AGBL4: variants seen among roughly 807,000 people sequenced by gnomAD.
AGBL4 encodes the protein AGBL carboxypeptidase 4.
Under a neutral mutation model 66.4 loss-of-function variants are expected in AGBL4, and 58 were observed. The observed-to-expected ratio is 0.87, with a 90% CI of 0.71 to 1.09. AGBL4 has a LOEUF of 1.09. Ranked by LOEUF, AGBL4 falls within the 50% of genes least tolerant of loss-of-function variation. AGBL4 has a pLI of 0.00. For missense variants in AGBL4, 579 were observed against 631.0 expected (o/e 0.92, Z 0.88); for synonymous variants, 234 against 222.9 (o/e 1.05, Z -0.44).
intron 4 of AGBL4, among the ~76,000 whole-genome samples, chr1:49,054,168 A>C (rs990673192): frequency 6.6e-6 from 1 of 152,046 alleles, no homozygotes; most frequent in Admixed American, 6.6e-5. Flanking sequence ...TTGGGTATGA[A>C]GTGGTAGCTG....
chr1:49,207,914 T>A (rs908361886), intron 4 of AGBL4, among the ~76,000 whole-genome samples: 25 of 152,108 alleles, frequency 1.6e-4, no homozygotes, highest in Middle Eastern at 3.4e-3. Flanking sequence ...AACTTTGCCA[T>A]GCATGCTATT....
At chr1:48,786,380 C>T (rs1645408059) in intron 6 of AGBL4, among the ~76,000 whole-genome samples, 2 of 152,252 alleles carry the variant, frequency 1.3e-5, no homozygotes, top group African/African-American at 4.8e-5. Flanking sequence ...AGACTTCAAC[C>T]TGGGTTTCTT....
intron 1 of AGBL4, among the ~76,000 whole-genome samples, chr1:49,965,193 GCTCT>G (rs1270268997): frequency 2.0e-5 from 3 of 152,124 alleles, no homozygotes; most frequent in Admixed American, 6.6e-5. Context: ...ACAATCCCAT[GCTCT>G]CTAAGTGAGC....
chr1:49,473,699 T>C (rs1443046971), intron 3 of AGBL4, among the ~76,000 whole-genome samples: 1 of 152,092 alleles, frequency 6.6e-6, no homozygotes, highest in East Asian at 1.9e-4. Flanking sequence ...AGTCATATTC[T>C]TTGCATAGAT....
At chr1:48,911,399 C>T (rs902606526) in intron 5 of AGBL4, among the ~76,000 whole-genome samples, 12 of 151,998 alleles carry the variant, frequency 7.9e-5, no homozygotes, top group African/African-American at 2.4e-4. Flanking sequence ...GGGTGGATCA[C>T]GAGGTCAGGA....
At chr1:48,609,928 G>A (rs1321747844) in intron 9 of AGBL4, among the ~76,000 whole-genome samples, 1 of 152,154 alleles carries the variant, frequency 6.6e-6, no homozygotes, top group African/African-American at 2.4e-5. Context: ...TATTATAAGA[G>A]CCCATAGGAT....
chr1:48,995,365 G>A (rs768201652), intron 5 of AGBL4, among the ~76,000 whole-genome samples: 17 of 152,164 alleles, frequency 1.1e-4, no homozygotes, highest in Admixed American at 3.3e-4. Context: ...AGCCTTGAGA[G>A]CAGGGATCTA....
chr1:48,637,389 C>A (rs554078089), intron 8 of AGBL4, among the ~76,000 whole-genome samples: 1 of 152,182 alleles, frequency 6.6e-6, no homozygotes, highest in Non-Finnish European at 1.5e-5. Flanking sequence ...TTGGGGAATG[C>A]CCAGCATCTA....
chr1:48,756,088 T>C (rs887283648), intron 6 of AGBL4, among the ~76,000 whole-genome samples: 4 of 152,174 alleles, frequency 2.6e-5, no homozygotes, highest in African/African-American at 9.7e-5. Flanking sequence ...ATTAACAGAA[T>C]GTCAGGCACT....
chr1:49,118,341 T>C (rs1005544133), intron 4 of AGBL4, among the ~76,000 whole-genome samples: 1 of 152,212 alleles, frequency 6.6e-6, no homozygotes, highest in Non-Finnish European at 1.5e-5. Context: ...CAGTATGATA[T>C]TGGCTGTGGG....
At chr1:49,810,109 C>T (rs1645064043) in intron 2 of AGBL4, among the ~76,000 whole-genome samples, 1 of 152,076 alleles carries the variant, frequency 6.6e-6, no homozygotes, top group Non-Finnish European at 1.5e-5. Flanking sequence ...CACTTTCCTC[C>T]CTATAAGGTA....
At chr1:49,265,680 T>C (rs966079407) in intron 3 of AGBL4, among the ~76,000 whole-genome samples, 2 of 152,104 alleles carry the variant, frequency 1.3e-5, no homozygotes, top group Non-Finnish European at 2.9e-5. Flanking sequence ...GCCCAGACAA[T>C]GTGTTTAGGG....
intron 5 of AGBL4, among the ~76,000 whole-genome samples, chr1:48,941,720 G>GT (rs779969973): frequency 6.6e-6 from 1 of 152,108 alleles, no homozygotes; most frequent in Non-Finnish European, 1.5e-5. Flanking sequence ...ATGAATTTAG[G>GT]TTTTTTCATG....
At chr1:49,508,481 C>G (rs1228121669) in intron 3 of AGBL4, among the ~76,000 whole-genome samples, 1 of 151,892 alleles carries the variant, frequency 6.6e-6, no homozygotes, top group African/African-American at 2.4e-5. Flanking sequence ...AAAGTAGGCT[C>G]TGACTGTGAA....
chr1:49,789,595 G>T (rs1002257516), intron 2 of AGBL4, among the ~76,000 whole-genome samples: 2 of 152,082 alleles, frequency 1.3e-5, no homozygotes, highest in African/African-American at 4.8e-5. Flanking sequence ...TTGCTACAAA[G>T]ATAATAAAAT....
At chr1:49,675,372 T>A (rs968133946) in intron 3 of AGBL4, among the ~76,000 whole-genome samples, 3 of 151,928 alleles carry the variant, frequency 2.0e-5, no homozygotes. Context: ...AAACAACAGA[T>A]ACACATGAAC....
intron 9 of AGBL4, among the ~76,000 whole-genome samples, chr1:48,616,061 C>T (rs1645312982): frequency 3.3e-5 from 5 of 152,160 alleles, no homozygotes; most frequent in Admixed American, 2.6e-4. Flanking sequence ...GGGCCCACCT[C>T]TCAATACAAT....
intron 3 of AGBL4, among the ~76,000 whole-genome samples, chr1:49,669,401 G>T (rs919632884): frequency 3.3e-5 from 5 of 152,084 alleles, no homozygotes. Flanking sequence ...ATATTCAAAA[G>T]TTTTCACCTC....
At chr1:49,932,023 C>T (rs187502174) in intron 1 of AGBL4, among the ~76,000 whole-genome samples, 8 of 152,176 alleles carry the variant, frequency 5.3e-5, no homozygotes, top group Admixed American at 2.6e-4. Flanking sequence ...TTTGGGTTGG[C>T]AGATTAATAA....
Sources: gnomAD v4.1 joint callset for allele counts (sites outside exome capture counted in the v4.1 genomes callset) on GRCh38, gnomAD v4.1.1 for gene constraint, MANE v1.5 for transcripts, NCBI Gene and HGNC (gene_info 2026-07-23, HGNC 2026-07-21) for gene names.